The following IFT122 variants were observed in gnomAD, a reference collection of about 807,000 sequenced individuals.
The protein encoded by IFT122 is intraflagellar transport 122.
In IFT122, 118 loss-of-function variants were observed where a neutral mutation model predicts 161.6. The observed-to-expected ratio is 0.73, with a 90% confidence interval of 0.63 to 0.85. The LOEUF is 0.85. IFT122 is among the 40% of genes least tolerant of loss of function. IFT122 has a pLI of 0.00. For missense variants in IFT122, 1,381 were observed against 1,579.6 expected (o/e 0.87, Z 2.13); for synonymous variants, 550 against 602.4 (o/e 0.91, Z 1.27).
intron 17 of IFT122, among the ~76,000 whole-genome samples, 163 bp from the exon 18 acceptor site, chr3:129,495,283 C>G (rs1277660238): frequency 2.0e-5 from 3 of 152,180 alleles, no homozygotes; most frequent in Admixed American, 2.0e-4. Context: ...GTCAAGCCTT[C>G]CCAGCGGGAA....
intron 3 of IFT122, among the ~76,000 whole-genome samples, chr3:129,457,446 C>T (rs2075647943): frequency 6.6e-6 from 1 of 152,198 alleles, no homozygotes; most frequent in East Asian, 1.9e-4. Context: ...CTCATTCCCT[C>T]AGACATGCCA....
intron 4 of IFT122, chr3:129,459,404 C>T (rs1317860614): frequency 7.5e-6 from 3 of 397,434 alleles, no homozygotes; most frequent in Non-Finnish European, 1.5e-5. Context: ...ATTCTCCTGC[C>T]TCAGCCTCCC....
In IFT122 at chr3:129,507,753, T is replaced by C. The variant is rs1390649922; in HGVS notation, c.2877T>C (p.His959=). ...TGTACCATGGTTACCATGCCATCCA[T>C]CGCCACACGGTAAGGTGGCTGGGTC... ...AELYHGYHAI[H]RHTEDPFSVH... The change falls in exon 23 of 30, where the codon CAT becomes CAC. Residue 959 remains histidine (H), a synonymous_variant. Transcript: ENST00000348417. 1 of 1,613,690 alleles carries C rather than the reference T, an allele frequency of 6.2e-7. No individual in the cohort carries two copies. Among genetic ancestry groups the C allele is most frequent in the African/African-American group, 1.3e-5 (1 of 74,904 alleles).
chr3:129,478,349 C>T, intron 12 of IFT122, 131 bp downstream of exon 12: 1 of 740,304 alleles, frequency 1.4e-6, no homozygotes. Flanking sequence ...CTAAGTGGTG[C>T]TTATTGGCTT....
chr3:129,445,857 G>A (rs990648284), intron 1 of IFT122, among the ~76,000 whole-genome samples: 2 of 152,166 alleles, frequency 1.3e-5, no homozygotes. Context: ...ATAAGAGTTC[G>A]AAGTACTGTC....
intron 3 of IFT122, chr3:129,457,942 G>A (rs1160477505): frequency 1.9e-5 from 3 of 157,640 alleles, no homozygotes; most frequent in Non-Finnish European, 2.8e-5. Flanking sequence ...GTTTCACCGT[G>A]TTGGCCAGGA....
intron 3 of IFT122, among the ~76,000 whole-genome samples, chr3:129,457,372 C>T (rs2075635743): frequency 6.6e-6 from 1 of 152,180 alleles, no homozygotes; most frequent in East Asian, 1.9e-4. Flanking sequence ...TGCTGTGTCC[C>T]TGAGGTCCCA....
chr3:129,506,473 C>T lies in IFT122; in HGVS notation c.2715C>T (p.Ala905=), dbSNP rs143748879. 64 of 1,614,180 alleles carry T rather than the reference C, an allele frequency of 4.0e-5. No homozygotes were observed. The African/African-American group carries it at 5.5e-4, about 14-fold the overall frequency. ...VQVLEQLTNN[A]VAESRFNDAA... ...TGCTGGAGCAGCTCACAAACAATGC[C>T]GTGGCGGAGAGCAGGTTTAATGATG... The change falls in exon 22 of 30, where the codon GCC becomes GCT. Residue 905 remains alanine (A), a synonymous_variant. Coordinates refer to ENST00000348417, the MANE Select transcript of IFT122 (RefSeq NM_052989.3).
At chr3:129,497,461 C>T (rs2081009880) in intron 18 of IFT122, among the ~76,000 whole-genome samples, 1 of 152,110 alleles carries the variant, frequency 6.6e-6, no homozygotes, top group South Asian at 2.1e-4. Context: ...TTAGAAATGC[C>T]AACCTGTAGA....
rs1467036797 is a variant in IFT122, at chr3:129,503,935, A to G, written c.2548-384A>G. The G allele has an allele frequency of 1.8e-5, 6 of 339,622 alleles. No homozygotes were observed. In the East Asian group the frequency reaches 4.8e-4, roughly 27 times the overall value. The allele number at this position is 339,622 out of a possible 1,614,324, so 21.0% of individuals were successfully genotyped here. On this transcript the variant is annotated intron_variant, in intron 20 of 29. Transcript: ENST00000348417. ...AGCCCACAGTCATCTTTGACAACTG[A>G]TAAGAAGTGGTGATGATGATAATGT...
Position 129,495,515 on chromosome 3 carries a change from T to A in IFT122, c.2116T>A (p.Phe706Ile), listed in dbSNP as rs73204230. 6.2e-7 allele frequency: 1 copy of A among 1,612,256 alleles called. No individual in the cohort carries two copies. Among genetic ancestry groups the A allele is most frequent in the Non-Finnish European group, 8.5e-7 (1 of 1,179,378 alleles). ...LADVFSYQGK[F>I]HEAAKLYKRS... ...AGATGTGTTTTCCTACCAGGGGAAG[T>A]TCCATGAGGCCGCCAAACTGTACAA... is the stretch of plus-strand genomic sequence containing the variant. The change falls in exon 18 of 30, where the codon TTC becomes ATC. Residue 706 changes from phenylalanine to isoleucine, a missense_variant. By Grantham distance (21) the Phe-to-Ile change is conservative. Coordinates refer to ENST00000348417, the MANE Select transcript of IFT122 (RefSeq NM_052989.3).
At position 129,498,174 on chromosome 3, in the gene IFT122, C is replaced by A. The variant is rs190280574; in HGVS notation, c.2209-1728C>A. Among the ~76,000 whole-genome samples the A allele has an allele frequency of 3.3e-3, 509 of 152,306 alleles. 1 individual carries two copies. Among genetic ancestry groups the A allele is most frequent in the Non-Finnish European group, 5.6e-3 (380 of 68,020 alleles). ...CTGAGCCTTGAAGGAAGCTTTTAGA[C>A]CCAGCTTCAATGAAGTCACAGCTCC... On this transcript the variant is annotated intron_variant, in intron 18 of 29. Transcript: ENST00000348417.
At chr3:129,450,766 G>A (rs1191279053) in intron 2 of IFT122, among the ~76,000 whole-genome samples, 2 of 144,326 alleles carry the variant, frequency 1.4e-5, no homozygotes, top group Non-Finnish European at 3.0e-5. Context: ...TGTCGCCCAG[G>A]CTGGAGTGCA....
chr3:129,476,928 G>A, intron 11 of IFT122, 127 bp downstream of exon 11: 1 of 1,119,590 alleles, frequency 8.9e-7, no homozygotes, highest in Non-Finnish European at 1.3e-6. Flanking sequence ...TTAGCCACTG[G>A]GTCTGTGTCT....
At chr3:129,492,245 G>C in intron 17 of IFT122, 51 bp downstream of exon 17, 2 of 1,398,180 alleles carry the variant, frequency 1.4e-6, no homozygotes, top group East Asian at 4.6e-5. Flanking sequence ...TGGGGTTCCT[G>C]TTTTAGGGGC....
rs2075814650 is a variant in IFT122 at position 129,458,638 on chromosome 3, T to C, written c.233T>C (p.Ile78Thr). 1.4e-5 allele frequency: 23 copies of C among 1,614,022 alleles called. No homozygotes were observed. Among genetic ancestry groups the C allele is most frequent in the Middle Eastern group, 1.6e-4 (1 of 6,084 alleles). The change falls in exon 4 of 30, where the codon ATT becomes ACT. Residue 78 changes from isoleucine (I) to threonine (T), a missense_variant. Physicochemically the swap from Ile to Thr is moderately conservative, Grantham distance 89. Coordinates refer to ENST00000348417, the MANE Select transcript of IFT122 (RefSeq NM_052989.3). ...TCTGGATCAGCTGACAAAAGCGTTA[T>C]TATCTGGACATCAAAACTGGAAGGC... ...FASGSADKSV[I>T]IWTSKLEGIL...
In IFT122 at chr3:129,520,393, G is replaced by T. The variant is rs2084608336; in HGVS notation, c.*128G>T. ...ATGAAGTTTGTGTTTTGTGGGGGGG[G>T]CCTTGTGTAACCACGGAATTCCTAT... On this transcript the variant is annotated 3_prime_UTR_variant, in exon 30 of 30. Coordinates refer to ENST00000348417, the MANE Select transcript of IFT122 (RefSeq NM_052989.3). 7.7e-6 allele frequency: 6 copies of T among 779,902 alleles called. No individual in the cohort carries two copies. Among genetic ancestry groups the T allele is most frequent in the South Asian group, 7.2e-5 (5 of 69,004 alleles). 48.3% of individuals were successfully genotyped at this position (779,902 alleles called of 1,614,324 possible). A position where few individuals can be genotyped will look rare whatever the true frequency, so the allele number is the denominator to read the frequency against.
chr3:129,502,597 C>A, intron 19 of IFT122, 114 bp from the exon 20 acceptor site: 1 of 1,209,550 alleles, frequency 8.3e-7, no homozygotes, highest in Non-Finnish European at 1.2e-6. Context: ...CACTGAGCAA[C>A]TCCCATGGGC....
intron 15 of IFT122, 169 bp downstream of exon 15, chr3:129,483,851 T>C: frequency 1.4e-6 from 1 of 717,268 alleles, no homozygotes; most frequent in Non-Finnish European, 2.5e-6. Context: ...TCTCCACTCC[T>C]TGCAACCTGT....
Sources: gnomAD v4.1 joint callset for allele counts (sites outside exome capture counted in the v4.1 genomes callset) on GRCh38, gnomAD v4.1.1 for gene constraint, MANE v1.5 for transcripts, NCBI Gene and HGNC (gene_info 2026-07-23, HGNC 2026-07-21) for gene names.